Variants in EPN2 observed in about 807,000 individuals in gnomAD.
EPN2 encodes the protein epsin 2, also known as epsin-2.
EPN2 carries 34 observed loss-of-function variants against 61.7 expected under a neutral mutation model. The ratio of observed to expected loss-of-function variants is 0.55; its 90% CI spans 0.42 to 0.73. EPN2 has a LOEUF of 0.73. Ranked by LOEUF, EPN2 falls within the 30% of genes least tolerant of loss-of-function variation. The pLI is 0.00. For missense variants in EPN2, 714 were observed against 839.2 expected, an observed-to-expected ratio of 0.85 and a Z score of 1.84; for synonymous variants, 349 against 353.6, an observed-to-expected ratio of 0.99 and a Z score of 0.15.
At chr17:19,321,957 A>G (rs541037176) in intron 7 of EPN2, among the ~76,000 whole-genome samples, 4 of 152,254 alleles carry the variant, frequency 2.6e-5, no homozygotes, top group South Asian at 2.1e-4. Context: ...AGGACCCACA[A>G]GGTGTCCTGT....
intron 1 of EPN2, chr17:19,273,276 G>A (rs1396686071): frequency 6.6e-6 from 1 of 152,058 alleles, no homozygotes; most frequent in Non-Finnish European, 1.5e-5. Context: ...TTTTTTAGAG[G>A]TTGGTTCTTC....
At chr17:19,274,577 T>C (rs1298613013) in intron 1 of EPN2, among the ~76,000 whole-genome samples, 2 of 152,208 alleles carry the variant, frequency 1.3e-5, no homozygotes, top group East Asian at 1.9e-4. Context: ...CAATGATGGC[T>C]GCTCCCCATA....
At chr17:19,269,908 A>G (rs2045237071) in intron 1 of EPN2, among the ~76,000 whole-genome samples, 1 of 152,178 alleles carries the variant, frequency 6.6e-6, no homozygotes, top group Non-Finnish European at 1.5e-5. Context: ...CATCTAGACA[A>G]GAGGGACCTT....
intron 7 of EPN2, among the ~76,000 whole-genome samples, chr17:19,318,795 T>TC (rs1213030079): frequency 6.6e-6 from 1 of 152,024 alleles, no homozygotes; most frequent in African/African-American, 2.4e-5. Flanking sequence ...GCCTGGCCCA[T>TC]GAGTCCTGGA....
chr17:19,316,258 T>G (rs1440535879), intron 7 of EPN2, among the ~76,000 whole-genome samples: 1 of 152,260 alleles, frequency 6.6e-6, no homozygotes, highest in Non-Finnish European at 1.5e-5. Context: ...TTTTAAAAAT[T>G]AAGAATATGG....
chr17:19,307,639 G>A (rs1177501440), intron 4 of EPN2, among the ~76,000 whole-genome samples: 1 of 152,176 alleles, frequency 6.6e-6, no homozygotes, highest in African/African-American at 2.4e-5. Flanking sequence ...CACTGTGCCC[G>A]GCCCGTTCCA....
At chr17:19,246,822 G>T (rs1477358933) in intron 1 of EPN2, among the ~76,000 whole-genome samples, 1 of 135,896 alleles carries the variant, frequency 7.4e-6, no homozygotes, top group Non-Finnish European at 1.5e-5. Context: ...AGGCTGGAGT[G>T]CAGTGGCGCG....
At chr17:19,251,930 A>G (rs969477748) in intron 1 of EPN2, among the ~76,000 whole-genome samples, 5 of 152,186 alleles carry the variant, frequency 3.3e-5, no homozygotes, top group African/African-American at 1.2e-4. Context: ...TGTTTTGTGT[A>G]TACCTTACAC....
intron 10 of EPN2, 61 bp from the exon 11 acceptor site, chr17:19,333,895 T>A: frequency 1.4e-6 from 2 of 1,434,770 alleles, no homozygotes; most frequent in Non-Finnish European, 1.9e-6. Flanking sequence ...GTCCCTGACC[T>A]GGGAGCTCAG....
chr17:19,310,571 C>CTTTTTTTTTTTTTTTTTTTTTTTTT (rs71155391), intron 5 of EPN2, among the ~76,000 whole-genome samples: 1 of 80,910 alleles, frequency 1.2e-5, no homozygotes, highest in Non-Finnish European at 2.2e-5. Flanking sequence ...CTCCTTCTTT[C>CTTTTTTTTTTTTTTTTTTTTTTTTT]TTTTTTTTTT....
intron 5 of EPN2, among the ~76,000 whole-genome samples, chr17:19,311,075 G>A (rs1038488456): frequency 3.9e-5 from 6 of 152,176 alleles, no homozygotes; most frequent in South Asian, 2.1e-4. Flanking sequence ...TGTTCAGAGA[G>A]GAATACTGGG....
At chr17:19,255,463 T>C in intron 1 of EPN2, among the ~76,000 whole-genome samples, 1 of 149,532 alleles carries the variant, frequency 6.7e-6, no homozygotes, top group Non-Finnish European at 1.5e-5. Context: ...TTTATTTATT[T>C]ATTTATTTAT....
chr17:19,329,488 T>G, intron 8 of EPN2, 73 bp from the exon 9 acceptor site: 1 of 863,982 alleles, frequency 1.2e-6, no homozygotes, highest in Non-Finnish European at 1.9e-6. Context: ...ATCCTGAGGG[T>G]GTGCACTGGG....
At chr17:19,281,735 G>T (rs924554897) in intron 1 of EPN2, among the ~76,000 whole-genome samples, 2 of 152,090 alleles carry the variant, frequency 1.3e-5, no homozygotes, top group East Asian at 1.9e-4. Context: ...GTTTGAGGGT[G>T]GGGGGTGGAC....
chr17:19,308,837 C>T (rs982658053), intron 4 of EPN2, among the ~76,000 whole-genome samples: 1 of 152,180 alleles, frequency 6.6e-6, no homozygotes, highest in Non-Finnish European at 1.5e-5. Flanking sequence ...ATCCTGATGG[C>T]TGTGTAAGCC....
At chr17:19,333,592 GT>G (rs1217662044) in intron 10 of EPN2, among the ~76,000 whole-genome samples, 2 of 152,138 alleles carry the variant, frequency 1.3e-5, no homozygotes, top group African/African-American at 4.8e-5. Flanking sequence ...CCAGTCCCAT[GT>G]CCCTTTCAGC....
intron 8 of EPN2, 127 bp downstream of exon 8, chr17:19,329,014 C>G: frequency 1.2e-6 from 1 of 826,054 alleles, no homozygotes; most frequent in Non-Finnish European, 1.9e-6. Flanking sequence ...CCCCCTTAGC[C>G]TTTGTTCCTG....
chr17:19,308,399 G>A (rs747060905), intron 4 of EPN2: 7 of 985,288 alleles, frequency 7.1e-6, no homozygotes, highest in East Asian at 1.1e-4. Context: ...AAAATGACCC[G>A]TTAACCATGA....
intron 1 of EPN2, among the ~76,000 whole-genome samples, chr17:19,254,166 GAAAA>G (rs1432585733): frequency 5.9e-4 from 51 of 86,824 alleles, no homozygotes; most frequent in Admixed American, 2.0e-3. Flanking sequence ...GAGAAAGAAA[GAAAA>G]AAAGAAAGAA....
Sources: gnomAD v4.1 joint callset for allele counts (sites outside exome capture counted in the v4.1 genomes callset) on GRCh38, gnomAD v4.1.1 for gene constraint, MANE v1.5 for transcripts, NCBI Gene and HGNC (gene_info 2026-07-23, HGNC 2026-07-21) for gene names.